The following NF1 variants were observed in gnomAD, a reference collection of about 807,000 sequenced individuals.
NF1 encodes the protein neurofibromin.
In NF1, 122 loss-of-function variants were observed where a neutral mutation model predicts 325.7. The observed-to-expected ratio is 0.37, with a 90% confidence interval of 0.32 to 0.44. The LOEUF (loss-of-function observed/expected upper bound fraction) is 0.44, where lower values mean the gene tolerates loss of function less well. Ranked by LOEUF, NF1 falls within the 20% of genes least tolerant of loss-of-function variation. The probability of loss-of-function intolerance (pLI) is 1.00; values close to 1 mark genes in which losing one functional copy is unlikely to be tolerated. For missense variants in NF1, 2,140 were observed against 3,415.4 expected, an observed-to-expected ratio of 0.63 and a Z score of 9.31; for synonymous variants, 1,091 against 1,186.0, an observed-to-expected ratio of 0.92 and a Z score of 1.65.
intron 1 of NF1, among the ~76,000 whole-genome samples, chr17:31,153,104 C>T (rs1917062488): frequency 6.6e-6 from 1 of 151,924 alleles, no homozygotes; most frequent in Non-Finnish European, 1.5e-5. Flanking sequence ...CCTTTTCTCC[C>T]TTTACCCCTG....
chr17:31,110,460 G>T (rs919776391), intron 1 of NF1, among the ~76,000 whole-genome samples: 2 of 152,138 alleles, frequency 1.3e-5, no homozygotes, highest in African/African-American at 4.8e-5. Context: ...TTGGACTGAG[G>T]TGATCAGCCT....
chr17:31,238,989 C>T (rs2067249413), intron 29 of NF1, among the ~76,000 whole-genome samples: 1 of 152,204 alleles, frequency 6.6e-6, no homozygotes, highest in African/African-American at 2.4e-5. Context: ...CAATTTACCT[C>T]AGTTCCTATG....
intron 1 of NF1, among the ~76,000 whole-genome samples, chr17:31,097,687 G>A (rs1446343575): frequency 1.3e-5 from 2 of 151,900 alleles, no homozygotes; most frequent in South Asian, 2.1e-4. Context: ...AGATATATAG[G>A]AGAGATTATT....
intron 1 of NF1, among the ~76,000 whole-genome samples, chr17:31,135,761 G>A (rs951590443): frequency 2.0e-5 from 3 of 151,394 alleles, no homozygotes; most frequent in Non-Finnish European, 2.9e-5. Flanking sequence ...TTTTTGTAGG[G>A]ACAGCATCTT....
chr17:31,199,385 T>C (rs1167447295), intron 8 of NF1, among the ~76,000 whole-genome samples: 1 of 152,254 alleles, frequency 6.6e-6, no homozygotes, highest in Non-Finnish European at 1.5e-5. Flanking sequence ...ATTTTTTAGT[T>C]TTTTTATCTG....
intron 36 of NF1, among the ~76,000 whole-genome samples, chr17:31,282,902 T>C (rs2068148912): frequency 6.6e-6 from 1 of 152,230 alleles, no homozygotes; most frequent in Non-Finnish European, 1.5e-5. Flanking sequence ...AGTTTGAATT[T>C]CTGTACATCT....
At chr17:31,273,720 T>C (rs1411281504) in intron 36 of NF1, 2 of 152,232 alleles carry the variant, frequency 1.3e-5, no homozygotes, top group Non-Finnish European at 2.9e-5. Flanking sequence ...ATTTGCTCTT[T>C]GGAAGTATCC....
At chr17:31,256,495 A>G (rs909917078) in intron 31 of NF1, among the ~76,000 whole-genome samples, 1 of 152,180 alleles carries the variant, frequency 6.6e-6, no homozygotes, top group Non-Finnish European at 1.5e-5. Flanking sequence ...AGTAGCAATG[A>G]TGGTCTATGA....
chr17:31,187,881 T>A (rs2066271605), intron 8 of NF1, among the ~76,000 whole-genome samples: 1 of 152,158 alleles, frequency 6.6e-6, no homozygotes, highest in Non-Finnish European at 1.5e-5. Flanking sequence ...CACTTTGGGC[T>A]CCTCCTACCT....
chr17:31,293,931 C>T (rs2068405562), intron 36 of NF1, among the ~76,000 whole-genome samples: 1 of 152,066 alleles, frequency 6.6e-6, no homozygotes, highest in Non-Finnish European at 1.5e-5. Context: ...GTTGGAGTTC[C>T]AGTGTGGTTT....
At chr17:31,235,115 T>G (rs1271247700) in intron 27 of NF1, among the ~76,000 whole-genome samples, 1 of 152,188 alleles carries the variant, frequency 6.6e-6, no homozygotes, top group Non-Finnish European at 1.5e-5. Flanking sequence ...TCTTCCTGGT[T>G]TCTCAAAAAT....
At chr17:31,178,555 G>T (rs1220937028) in intron 5 of NF1, among the ~76,000 whole-genome samples, 2 of 152,152 alleles carry the variant, frequency 1.3e-5, no homozygotes, top group African/African-American at 4.8e-5. Context: ...CCAATTAAAA[G>T]ACACAGACTG....
chr17:31,200,325 A>G, intron 8 of NF1, 97 bp from the exon 9 acceptor site: 2 of 1,071,490 alleles, frequency 1.9e-6, no homozygotes, highest in Non-Finnish European at 2.8e-6. Flanking sequence ...TCTTTATAGT[A>G]TGAGTTTTAG....
intron 47 of NF1, among the ~76,000 whole-genome samples, chr17:31,341,202 T>G (rs1392991921): frequency 2.6e-5 from 4 of 152,154 alleles, no homozygotes; most frequent in African/African-American, 9.7e-5. Flanking sequence ...TTTACTAGTT[T>G]TTTTATTCTG....
rs916465784 is a variant in NF1 at position 31,375,172 on chromosome 17, G to C, written c.*1017G>C. 1 of 222,668 alleles carries C rather than the reference G, an allele frequency of 4.5e-6. No individual in the cohort carries two copies. Among genetic ancestry groups the C allele is most frequent in the African/African-American group, 2.2e-5 (1 of 44,742 alleles). The allele number at this position is 222,668 out of a possible 1,614,324, so 13.8% of individuals were successfully genotyped here. A position where few individuals can be genotyped will look rare whatever the true frequency, so the allele number is the denominator to read the frequency against. ...AAAATGGAATGGTACGTGACATTTA[G>C]GGTAGCTGATATTTTTATTTTGTTA... On this transcript the variant is annotated 3_prime_UTR_variant, in exon 58 of 58. Transcript: ENST00000358273.
At chr17:31,295,393 C>T (rs200332288) in intron 36 of NF1, 36 of 1,614,068 alleles carry the variant, frequency 2.2e-5, no homozygotes, top group Middle Eastern at 1.6e-4. Context: ...TGGCACCAAA[C>T]GTTGTTTCCT....
chr17:31,126,825 G>A (rs1278351460), intron 1 of NF1, among the ~76,000 whole-genome samples: 4 of 151,940 alleles, frequency 2.6e-5, no homozygotes, highest in African/African-American at 9.7e-5. Flanking sequence ...TGAAATTCTT[G>A]ATCTTACTGC....
rs139756370 is a variant in NF1, at chr17:31,138,018, A to G, written c.61-17965A>G. 117 of 152,136 alleles carry G rather than the reference A, an allele frequency of 7.7e-4. 1 individual carries two copies. The highest frequency in any genetic ancestry group is 2.5e-3 in the African/African-American group (104 of 41,516). 9.4% of individuals were successfully genotyped at this position (152,136 alleles called of 1,614,324 possible). Reference sequence around the variant, plus strand: ...TTTGTCCTTGCTATTCTGCAGTTCAATAATAACATGTTGGGATACCAAATG... The same window carrying G: ...TTTGTCCTTGCTATTCTGCAGTTCAGTAATAACATGTTGGGATACCAAATG... On this transcript the variant is annotated intron_variant, in intron 1 of 57. Coordinates refer to ENST00000358273, the MANE Select transcript of NF1 (RefSeq NM_001042492.3).
intron 1 of NF1, among the ~76,000 whole-genome samples, chr17:31,100,193 T>C (rs74484077): frequency 7.9e-5 from 12 of 151,084 alleles, no homozygotes; most frequent in Non-Finnish European, 1.6e-4. Context: ...AGTAGCATAT[T>C]TGTTGTTCTC....
Sources: allele counts gnomAD v4.1 joint callset (sites outside exome capture counted in the v4.1 genomes callset), GRCh38; gene constraint gnomAD v4.1.1; transcripts MANE v1.5; gene names NCBI Gene and HGNC (gene_info 2026-07-23, HGNC 2026-07-21).